CDH20: variants seen among roughly 807,000 people sequenced by gnomAD.
The protein encoded by CDH20 is cadherin-20.
A neutral mutation model predicts 74.2 loss-of-function variants in CDH20; 29 were observed. The observed-to-expected ratio is 0.39, with a 90% confidence interval of 0.29 to 0.53. The LOEUF is 0.53. Ranked by LOEUF, CDH20 falls within the 20% of genes least tolerant of loss-of-function variation. The pLI, the probability that CDH20 is intolerant of heterozygous loss-of-function variation, is 0.69. For synonymous variants in CDH20, 469 were observed against 405.4 expected, an observed-to-expected ratio of 1.16 and a Z score of -1.88; for missense variants, 988 against 1,048.3, an observed-to-expected ratio of 0.94 and a Z score of 0.79.
chr18:61,380,644 T>C lies in CDH20; in HGVS notation c.-153+46817T>C, dbSNP rs545837405. ...GACCAACATGTTGAAATCCCGTCTC[T>C]ACTAAAACTACAAAATTAGCCCAGC... On this transcript the variant is annotated intron_variant, in intron 1 of 11. Coordinates refer to ENST00000262717, the MANE Select transcript of CDH20 (RefSeq NM_031891.4). Among the ~76,000 whole-genome samples the C allele has an allele frequency of 3.9e-5, 6 of 152,276 alleles. No homozygotes were observed. In the South Asian group the frequency reaches 1.2e-3, roughly 32 times the overall value.
chr18:61,346,417 T>C (rs534868976), intron 1 of CDH20, among the ~76,000 whole-genome samples: 2 of 152,244 alleles, frequency 1.3e-5, no homozygotes, highest in Non-Finnish European at 2.9e-5. Context: ...ATTGAAGGCA[T>C]GAAAAATAAG....
At chr18:61,447,151 CTG>C (rs1217417987) in intron 1 of CDH20, among the ~76,000 whole-genome samples, 3 of 152,164 alleles carry the variant, frequency 2.0e-5, no homozygotes, top group African/African-American at 7.2e-5. Context: ...AAAATTTACA[CTG>C]AGAGAGAAAC....
intron 1 of CDH20, among the ~76,000 whole-genome samples, chr18:61,356,779 G>A (rs1265617787): frequency 6.6e-6 from 1 of 152,190 alleles, no homozygotes; most frequent in East Asian, 1.9e-4. Context: ...AAATAAGGTA[G>A]AGGGAGATTT....
At chr18:61,538,574 A>C (rs1353716693) in intron 8 of CDH20, among the ~76,000 whole-genome samples, 4 of 85,632 alleles carry the variant, frequency 4.7e-5, no homozygotes, top group African/African-American at 1.6e-4. Flanking sequence ...CAAGTAAATA[A>C]CTACTTTTTG....
At chr18:61,493,394 T>C (rs1221912726) in intron 2 of CDH20, among the ~76,000 whole-genome samples, 1 of 152,196 alleles carries the variant, frequency 6.6e-6, no homozygotes, top group African/African-American at 2.4e-5. Context: ...TGAAGCACCC[T>C]TTCCATCATG....
chr18:61,389,307 C>T (rs1322684232), intron 1 of CDH20, among the ~76,000 whole-genome samples: 1 of 152,150 alleles, frequency 6.6e-6, no homozygotes, highest in African/African-American at 2.4e-5. Context: ...ACTTCCCCAG[C>T]TTTAAGTAAC....
intron 3 of CDH20, 91 bp from the exon 4 acceptor site, chr18:61,500,292 A>ATTTGCAAATGTG: frequency 1.5e-6 from 2 of 1,371,632 alleles, no homozygotes; most frequent in Non-Finnish European, 2.0e-6. Flanking sequence ...AAGCAAACAC[A>ATTTGCAAATGTG]TTTGCAAATG....
chr18:61,527,341 T>C (rs1454376901), intron 6 of CDH20, among the ~76,000 whole-genome samples: 2 of 129,702 alleles, frequency 1.5e-5, no homozygotes, highest in African/African-American at 2.7e-5. Context: ...AAAAAAAGCC[T>C]AGGCCTCAGT....
At chr18:61,474,833 T>G (rs1441113643) in intron 1 of CDH20, among the ~76,000 whole-genome samples, 1 of 152,016 alleles carries the variant, frequency 6.6e-6, no homozygotes, top group Non-Finnish European at 1.5e-5. Context: ...TCAATAGATG[T>G]TCCCTGGAAG....
At chr18:61,484,159 T>C (rs1352269152) in intron 1 of CDH20, among the ~76,000 whole-genome samples, 1 of 152,240 alleles carries the variant, frequency 6.6e-6, no homozygotes, top group Non-Finnish European at 1.5e-5. Flanking sequence ...CATAATTTCA[T>C]TTTAAATACA....
At chr18:61,345,947 T>C (rs1910103418) in intron 1 of CDH20, among the ~76,000 whole-genome samples, 1 of 152,176 alleles carries the variant, frequency 6.6e-6, no homozygotes, top group African/African-American at 2.4e-5. Context: ...ACGGATCCTA[T>C]GAGCACTGAA....
chr18:61,383,373 G>A (rs986002893), intron 1 of CDH20, among the ~76,000 whole-genome samples: 2 of 152,080 alleles, frequency 1.3e-5, no homozygotes, highest in Non-Finnish European at 2.9e-5. Context: ...CTGAGGTCAG[G>A]AGTACAAGAC....
intron 9 of CDH20, among the ~76,000 whole-genome samples, chr18:61,544,324 C>T (rs901720042): frequency 5.3e-5 from 8 of 152,242 alleles, no homozygotes; most frequent in African/African-American, 1.9e-4. Context: ...AGTGTGCTCA[C>T]TCTCAGCTAC....
chr18:61,369,884 C>T (rs1424897785), intron 1 of CDH20, among the ~76,000 whole-genome samples: 2 of 151,828 alleles, frequency 1.3e-5, no homozygotes, highest in Non-Finnish European at 2.9e-5. Flanking sequence ...GACACACAGA[C>T]GGGAACAACA....
rs571289624 is a variant in CDH20 at position 61,404,534 on chromosome 18, C to T, written c.-153+70707C>T. On this transcript the variant is annotated intron_variant, in intron 1 of 11. Coordinates refer to ENST00000262717, the MANE Select transcript of CDH20 (RefSeq NM_031891.4). The stretch of plus-strand genomic sequence containing the variant: ...TGTAGGGAGCAATGAAATTCTACAT[C>T]GTGATATGAGGCACGATATTGAAAA... 5.3e-5 allele frequency among the ~76,000 whole-genome samples: 8 copies of T among 152,004 alleles called. No individual in the cohort carries two copies. In the South Asian group the frequency reaches 1.3e-3, roughly 24 times the overall value.
rs999850190 is a variant in CDH20 at position 61,533,456 on chromosome 18, G to A, written c.1272-3037G>A. ...TAAAGTGCCTGATATTCAGCAAATGGCAGCTATTGTAATTACTGGTCTTTT... is the reference window on the plus strand; with the variant it reads ...TAAAGTGCCTGATATTCAGCAAATGACAGCTATTGTAATTACTGGTCTTTT... On this transcript the variant is annotated intron_variant, in intron 7 of 11. Transcript: ENST00000262717. Among the ~76,000 whole-genome samples the A allele has an allele frequency of 3.9e-5, 6 of 152,312 alleles. No individual in the cohort carries two copies. In the South Asian group the frequency reaches 6.2e-4, roughly 16 times the overall value.
At position 61,424,489 on chromosome 18, in the gene CDH20, G is replaced by T. The variant is rs138789371; in HGVS notation, c.-152-65913G>T. On this transcript the variant is annotated intron_variant, in intron 1 of 11. Coordinates refer to ENST00000262717, the MANE Select transcript of CDH20 (RefSeq NM_031891.4). ...CTAAATTAGACTTAATTTGCTCTAG[G>T]TTAGATACTATACCCTTCTCAATCA... 7.2e-3 allele frequency among the ~76,000 whole-genome samples: 1,098 copies of T among 152,270 alleles called. 7 individuals are homozygous for T. Among genetic ancestry groups the T allele is most frequent in the Non-Finnish European group, 0.012 (803 of 68,012 alleles).
At chr18:61,409,351 C>CT (rs1416950958) in intron 1 of CDH20, among the ~76,000 whole-genome samples, 2 of 152,182 alleles carry the variant, frequency 1.3e-5, no homozygotes, top group Non-Finnish European at 2.9e-5. Flanking sequence ...GCACCTGTTT[C>CT]TGTCTTTGCT....
chr18:61,462,683 C>T (rs976875870), intron 1 of CDH20, among the ~76,000 whole-genome samples: 4 of 141,686 alleles, frequency 2.8e-5, no homozygotes, highest in South Asian at 2.2e-4. Flanking sequence ...ATGTAAGATG[C>T]CTGACTAGTA....
Sources: gnomAD v4.1 joint callset for allele counts (sites outside exome capture counted in the v4.1 genomes callset) on GRCh38, gnomAD v4.1.1 for gene constraint, MANE v1.5 for transcripts, NCBI Gene and HGNC (gene_info 2026-07-23, HGNC 2026-07-21) for gene names.